Variants in USP36 observed in about 807,000 individuals in gnomAD.
USP36 encodes ubiquitin carboxyl-terminal hydrolase 36.
A neutral mutation model predicts 111.5 loss-of-function variants in USP36; 59 were observed. The observed-to-expected ratio is 0.53, with a 90% CI of 0.43 to 0.66. The LOEUF (loss-of-function observed/expected upper bound fraction) is 0.66, where lower values mean the gene tolerates loss of function less well. Among genes scored for constraint, USP36 ranks in the 30% least tolerant of loss-of-function variants. The probability of loss-of-function intolerance (pLI) is 0.00; values close to 1 mark genes in which losing one functional copy is unlikely to be tolerated. For synonymous variants in USP36, 628 were observed against 581.0 expected (o/e 1.08, Z -1.16); for missense variants, 1,488 against 1,468.0 (o/e 1.01, Z -0.22).
At chr17:78,790,481 C>G (rs892732117) in intron 3 of USP36, among the ~76,000 whole-genome samples, 1 of 151,884 alleles carries the variant, frequency 6.6e-6, no homozygotes, top group Non-Finnish European at 1.5e-5. Context: ...TTAGTAGAGA[C>G]AGGGTTTCAC....
At chr17:78,828,698 T>C (rs2067802714) in intron 5 of USP36, among the ~76,000 whole-genome samples, 199 bp downstream of exon 5, 1 of 152,168 alleles carries the variant, frequency 6.6e-6, no homozygotes, top group Admixed American at 6.5e-5. Flanking sequence ...GGGCGAGCAC[T>C]TAGCAGGCCT....
Position 78,799,000 on chromosome 17 carries a change from A to C in USP36, c.3148T>G (p.Ser1050Ala). 1 of 1,614,104 alleles carries C rather than the reference A, an allele frequency of 6.2e-7. No homozygotes were observed. Among genetic ancestry groups the C allele is most frequent in the East Asian group, 2.2e-5 (1 of 44,884 alleles). The change falls in exon 19 of 21, where the codon TCG (serine) becomes GCG (alanine). Residue 1050 changes from serine to alanine, a missense_variant. Around this residue, in one of 3 missense-constraint regions of USP36, gnomAD observed 1,073 missense variants for 994.1 expected, o/e 1.08. Coordinates refer to ENST00000449938, the MANE Select transcript of USP36 (RefSeq NM_001385174.1). This position sits in a 1 kb window ranked among gnomAD's most constrained non-coding sequence, Gnocchi z 5.1. ...RKVLTWDGKM[S>A]AVSQDAIEDS... ...TCAATAGCATCCTGACTGACCGCCGACATCTTGCCATCCCAGGTCAGAACT... is the reference window on the plus strand; with the variant it reads ...TCAATAGCATCCTGACTGACCGCCGCCATCTTGCCATCCCAGGTCAGAACT...
chr17:78,799,277 T>C lies in USP36; in HGVS notation c.3125-254A>G, dbSNP rs74001256. On this transcript the variant is annotated intron_variant, in intron 18 of 20. Coordinates refer to ENST00000449938, the MANE Select transcript of USP36 (RefSeq NM_001385174.1). ...AAGAGTTCAGTTCTTTCTAAACCCA[T>C]GCCCTCGTCTGAGGAACAAAGATGT... Among the ~76,000 whole-genome samples the C allele has an allele frequency of 6.9e-3, 1,057 of 152,268 alleles. 16 individuals are homozygous for C. Among genetic ancestry groups the C allele is most frequent in the African/African-American group, 0.024 (993 of 41,542 alleles).
At chr17:78,822,925 C>T (rs1375454553) in intron 6 of USP36, among the ~76,000 whole-genome samples, 1 of 152,164 alleles carries the variant, frequency 6.6e-6, no homozygotes, top group Non-Finnish European at 1.5e-5. Context: ...TTCCCCTCTC[C>T]CCAGGCTCTC....
rs2145000107 is a variant in USP36 at position 78,802,382 on chromosome 17, G to A, written c.2964C>T (p.Val988=). ...ATGGTGCGCAGCTGCTGGACTCGGG[G>A]ACAACAGCATCTTGGGGCTTGGCAC... ...PRSAKPQDAV[V]PESSSCAPSA... Residue 988 remains valine, a synonymous_variant, in exon 17 of 21, where the codon GTC becomes GTT. Transcript: ENST00000449938. The A allele has an allele frequency of 6.2e-7, 1 of 1,608,098 alleles. No homozygotes were observed. Among genetic ancestry groups the A allele is most frequent in the East Asian group, 2.2e-5 (1 of 44,774 alleles).
chr17:78,807,121 C>T lies in USP36; in HGVS notation c.1923G>A (p.Gln641=). Residue 641 remains glutamine (Q), a synonymous_variant, in exon 14 of 21, where the codon CAG becomes CAA. Transcript: ENST00000449938. ...GGCCAGCGGTGGAACAGTTCGTTTC[C>T]TGAGAATCGCAGAGATGGGCCGCTC... ...RSGAAHLCDS[Q]ETNCSTAGHS... 6.2e-7 allele frequency: 1 copy of T among 1,614,202 alleles called. No individual in the cohort carries two copies. The highest frequency in any genetic ancestry group is 8.5e-7 in the Non-Finnish European group (1 of 1,180,028).
chr17:78,807,641 G>A lies in USP36; in HGVS notation c.1408-5C>T. The A allele has an allele frequency of 1.3e-6, 2 of 1,518,196 alleles. No homozygotes were observed. The highest frequency in any genetic ancestry group is 1.8e-6 in the Non-Finnish European group (2 of 1,133,728). The allele number at this position is 1,518,196 out of a possible 1,614,324, so 94.0% of individuals were successfully genotyped here. On this transcript the variant is annotated splice_polypyrimidine_tract_variant and splice_region_variant and intron_variant, in intron 13 of 20. Transcript: ENST00000449938. ...CATCGTCCCAGAGTCTTGTCGCTAA[G>A]GAGACCAAAGCAGAAAACACAACTG...
intron 16 of USP36, among the ~76,000 whole-genome samples, chr17:78,802,851 C>T (rs1359394308): frequency 2.0e-5 from 3 of 152,206 alleles, no homozygotes; most frequent in Admixed American, 1.3e-4. Context: ...CATCCTTGAA[C>T]GGCCCTGCAC....
chr17:78,788,981 C>T (rs1475472725), intron 3 of USP36, among the ~76,000 whole-genome samples: 2 of 151,884 alleles, frequency 1.3e-5, no homozygotes, highest in South Asian at 2.1e-4. Context: ...AGGCAGATCA[C>T]GAGGTCAGGA....
At position 78,803,849 on chromosome 17, in the gene USP36, C is replaced by T. The variant is rs577284191; in HGVS notation, c.2346G>A (p.Thr782=). 4 of 1,609,092 alleles carry T rather than the reference C, an allele frequency of 2.5e-6. No homozygotes were observed. The highest frequency in any genetic ancestry group is 2.2e-5 in the East Asian group (1 of 44,728). ...SEPRSCSSIS[T]ALPQVNEDLV... is the part of the protein sequence containing the mutation. ...GGTCCTCGTTGACCTGAGGCAGCGC[C>T]GTCGAGATGGAGGAGCAGCTCCGTG... Residue 782 remains threonine, a synonymous_variant, in exon 16 of 21, where the codon ACG becomes ACA. Transcript: ENST00000449938. The surrounding 1 kb of genome is among the most constrained non-coding windows in gnomAD (Gnocchi z 4.6).
chr17:78,813,698 A>AT lies in USP36; in HGVS notation c.1265+74_1265+75insA, dbSNP rs2094119920. The stretch of plus-strand genomic sequence containing the variant: ...TTCCCAATTACCTTCAAACAAAAAA[A>AT]GGTTAGGGAGGCCCACCGGTATAAG... On this transcript the variant is annotated intron_variant, in intron 12 of 20. Transcript: ENST00000449938. 9 of 1,329,920 alleles carry AT rather than the reference A, an allele frequency of 6.8e-6. 1 individual carries two copies. In the East Asian group the frequency reaches 2.1e-4, roughly 31 times the overall value. 82.4% of individuals were successfully genotyped at this position (1,329,920 alleles called of 1,614,324 possible).
intron 16 of USP36, 137 bp from the exon 17 acceptor site, chr17:78,802,672 T>TC (rs2093784375): frequency 1.2e-6 from 1 of 820,096 alleles, no homozygotes; most frequent in Non-Finnish European, 1.9e-6. Context: ...GCAACATTCT[T>TC]CCCCCCACAC....
intron 7 of USP36, chr17:78,821,421 T>TATATATATATATATATATA (rs1491310696): frequency 1.5e-4 from 4 of 26,988 alleles, no homozygotes; most frequent in African/African-American, 2.0e-4. Flanking sequence ...TATATATATA[T>TATATATATATATATATATA]TTTTTTTTTT....
At chr17:78,806,414 G>A in intron 14 of USP36, 128 bp from the exon 15 acceptor site, 2 of 1,308,488 alleles carry the variant, frequency 1.5e-6, no homozygotes, top group Admixed American at 2.5e-5. Context: ...TGAGGAGACA[G>A]AAGAAGACAA....
chr17:78,816,770 C>A (rs930725798), intron 10 of USP36, among the ~76,000 whole-genome samples: 2 of 152,140 alleles, frequency 1.3e-5, no homozygotes, highest in Non-Finnish European at 2.9e-5. Flanking sequence ...AGCCATTGTG[C>A]CCAGCCTAAA....
chr17:78,832,370 C>A (rs2068219987), intron 4 of USP36, among the ~76,000 whole-genome samples: 1 of 152,210 alleles, frequency 6.6e-6, no homozygotes, highest in Admixed American at 6.5e-5. Context: ...AGGGGTCACT[C>A]AGGATCCAGT....
chr17:78,836,164 G>A lies in USP36; in HGVS notation c.200C>T (p.Thr67Ile). 6.2e-7 allele frequency: 1 copy of A among 1,614,074 alleles called. No individual in the cohort carries two copies. The highest frequency in any genetic ancestry group is 1.3e-5 in the African/African-American group (1 of 75,032). ...KSKYVLLNPK[T>I]EGASRHKSGD... ...ACTCTTGTGGCGACTAGCTCCCTCTGTTTTGGGGTTGAGCAACACATATTT... is the reference window on the plus strand; with the variant it reads ...ACTCTTGTGGCGACTAGCTCCCTCTATTTTGGGGTTGAGCAACACATATTT... Residue 67 changes from threonine (T) to isoleucine (I), a missense_variant, in exon 3 of 21, where the codon ACA (threonine) becomes ATA (isoleucine). By Grantham distance (89) the Thr-to-Ile change is moderately conservative. Transcript: ENST00000449938.
rs1385899783 is a variant in USP36, at chr17:78,807,334, G to A, written c.1710C>T (p.Gly570=). ...GGACAACATCCCTGCTGTCCCAGGA[G>A]CCCTGCCTTTGGCTCCCAGATCTGC... The part of the protein sequence containing the change: ...NSSRSGSQRQ[G]SWDSRDVVLS... The change falls in exon 14 of 21, where the codon GGC becomes GGT. Residue 570 remains glycine (G), a synonymous_variant. Coordinates refer to ENST00000449938, the MANE Select transcript of USP36 (RefSeq NM_001385174.1). 3 of 1,614,116 alleles carry A rather than the reference G, an allele frequency of 1.9e-6. No individual in the cohort carries two copies. Among genetic ancestry groups the A allele is most frequent in the East Asian group, 2.2e-5 (1 of 44,894 alleles).
intron 4 of USP36, among the ~76,000 whole-genome samples, chr17:78,834,045 A>G (rs947991734): frequency 2.6e-5 from 4 of 152,144 alleles, no homozygotes; most frequent in African/African-American, 9.7e-5. Flanking sequence ...TCACGAGTTC[A>G]AGACCAGCCT....
Sources: gnomAD v4.1 joint callset for allele counts (sites outside exome capture counted in the v4.1 genomes callset) on GRCh38, gnomAD v4.1.1 for gene constraint, gnomAD v4.1.1 regional missense constraint, Gnocchi (gnomAD v3.1) non-coding constraint, MANE v1.5 for transcripts, NCBI Gene and HGNC (gene_info 2026-07-23, HGNC 2026-07-21) for gene names.